ITGAM: variants seen among roughly 807,000 people sequenced by gnomAD.
The protein encoded by ITGAM is integrin subunit alpha M.
Under a neutral mutation model 137.5 loss-of-function variants are expected in ITGAM, and 79 were observed. The observed-to-expected ratio is 0.57, with a 90% CI of 0.48 to 0.69. ITGAM has a LOEUF of 0.69. Among genes scored for constraint, ITGAM ranks in the 30% least tolerant of loss-of-function variants. ITGAM has a pLI of 0.00. For missense variants in ITGAM, 1,343 were observed against 1,483.5 expected (o/e 0.91, Z 1.56); for synonymous variants, 583 against 592.3 (o/e 0.98, Z 0.23).
At chr16:31,282,070 T>G (rs2079975659) in intron 12 of ITGAM, among the ~76,000 whole-genome samples, 1 of 152,246 alleles carries the variant, frequency 6.6e-6, no homozygotes. Flanking sequence ...TTGATTGCAC[T>G]GTGGTCCGAG....
At chr16:31,319,756 CT>C (rs1293210522) in intron 14 of ITGAM, among the ~76,000 whole-genome samples, 1 of 151,054 alleles carries the variant, frequency 6.6e-6, no homozygotes, top group Non-Finnish European at 1.5e-5. Context: ...TGCTGTCTTC[CT>C]TTGTGTTTTA....
chr16:31,280,545 T>A (rs563846123), intron 12 of ITGAM, among the ~76,000 whole-genome samples: 10 of 152,220 alleles, frequency 6.6e-5, no homozygotes, highest in Non-Finnish European at 1.5e-4. Flanking sequence ...GTTTGTCTGT[T>A]ATTGGTGTAT....
chr16:31,263,502 C>T (rs2079728459), intron 2 of ITGAM, among the ~76,000 whole-genome samples: 1 of 152,160 alleles, frequency 6.6e-6, no homozygotes, highest in African/African-American at 2.4e-5. Flanking sequence ...CTCATACTCC[C>T]TCACTCATTT....
intron 14 of ITGAM, among the ~76,000 whole-genome samples, chr16:31,308,111 T>C (rs2080284240): frequency 6.6e-6 from 1 of 152,148 alleles, no homozygotes; most frequent in East Asian, 1.9e-4. Context: ...AAAATTCTCT[T>C]TTTTTGTTGT....
intron 2 of ITGAM, among the ~76,000 whole-genome samples, chr16:31,262,379 C>A (rs2079714080): frequency 7.0e-6 from 1 of 143,548 alleles, no homozygotes; most frequent in African/African-American, 2.6e-5. Context: ...TTCCTTCCTT[C>A]CTTCCTTCCT....
Position 31,324,985 on chromosome 16 carries a change from GACA to G in ITGAM, c.2321_2323del (p.Asn774del), listed in dbSNP as rs2080491455. The G allele has an allele frequency of 1.2e-6, 2 of 1,612,812 alleles. No homozygotes were observed. Among genetic ancestry groups the G allele is most frequent in the Non-Finnish European group, 1.7e-6 (2 of 1,179,460 alleles). On this transcript the variant is annotated inframe_deletion, in exon 19 of 30. Transcript: ENST00000544665. The surrounding 1 kb of genome is among the most constrained non-coding windows in gnomAD (Gnocchi z 4.5). ...TCCCTTTGAGAAGAATTGTGGCAAT[GACA>G]ACATCTGCCAGGATGACCTCAGCAT...
At chr16:31,269,652 G>A (rs1055726082) in intron 5 of ITGAM, among the ~76,000 whole-genome samples, 5 of 152,170 alleles carry the variant, frequency 3.3e-5, no homozygotes, top group African/African-American at 9.7e-5. Flanking sequence ...AGCTGTGACA[G>A]GCCTAAGGGA....
At chr16:31,260,403 C>A (rs993189387) in intron 1 of ITGAM, among the ~76,000 whole-genome samples, 2 of 152,132 alleles carry the variant, frequency 1.3e-5, no homozygotes, top group Admixed American at 1.3e-4. Context: ...AGGTGTGAGA[C>A]CCCTTTCCTG....
At chr16:31,261,662 T>C in intron 1 of ITGAM, 30 bp from the exon 2 acceptor site, 1 of 1,470,624 alleles carries the variant, frequency 6.8e-7, no homozygotes, top group Non-Finnish European at 9.4e-7. Context: ...TACTTTCCTC[T>C]GCTTGATCCT....
intron 14 of ITGAM, among the ~76,000 whole-genome samples, chr16:31,308,790 G>A: frequency 6.6e-6 from 1 of 152,092 alleles, no homozygotes; most frequent in African/African-American, 2.4e-5. Flanking sequence ...TGGGCATTTA[G>A]TGCTATAAAT....
chr16:31,312,541 C>G (rs1055186529), intron 14 of ITGAM, among the ~76,000 whole-genome samples: 1 of 152,148 alleles, frequency 6.6e-6, no homozygotes, highest in Non-Finnish European at 1.5e-5. Context: ...ATCCGCCTGC[C>G]TCAGCCTCCT....
chr16:31,304,469 A>T (rs1236055224), intron 14 of ITGAM, among the ~76,000 whole-genome samples: 3 of 152,052 alleles, frequency 2.0e-5, no homozygotes, highest in Admixed American at 6.5e-5. Flanking sequence ...TTTTAGTTTA[A>T]TTAGGTCCCA....
chr16:31,311,024 G>A (rs1016090223), intron 14 of ITGAM, among the ~76,000 whole-genome samples: 9 of 152,170 alleles, frequency 5.9e-5, no homozygotes, highest in Non-Finnish European at 1.3e-4. Context: ...ACAAAAAGAA[G>A]AAATGGGGAA....
Position 31,324,755 on chromosome 16 carries a change from G to A in ITGAM, c.2262G>A (p.Glu754=). 1 of 1,578,048 alleles carries A rather than the reference G, an allele frequency of 6.3e-7. No homozygotes were observed. ...GGAACCTCCGGCCAGTGCTGGCGGA[G>A]GATGCTCAGAGACTCTTCACAGCCT... ...AFGNLRPVLA[E]DAQRLFTALF... The change falls in exon 18 of 30, where the codon GAG becomes GAA. Residue 754 remains glutamate (E), a synonymous_variant. Coordinates refer to ENST00000544665, the MANE Select transcript of ITGAM (RefSeq NM_000632.4). This position sits in a 1 kb window ranked among gnomAD's most constrained non-coding sequence, Gnocchi z 4.5.
At chr16:31,312,243 A>G (rs1273647932) in intron 14 of ITGAM, among the ~76,000 whole-genome samples, 1 of 151,890 alleles carries the variant, frequency 6.6e-6, no homozygotes, top group Non-Finnish European at 1.5e-5. Flanking sequence ...TATGTAACAA[A>G]CCTGCACGTT....
intron 8 of ITGAM, chr16:31,273,743 A>G (rs1167016529): frequency 2.3e-6 from 1 of 431,224 alleles, no homozygotes; most frequent in African/African-American, 2.0e-5. Context: ...GCCTGCCAAG[A>G]GTTCTGGTCT....
intron 5 of ITGAM, among the ~76,000 whole-genome samples, chr16:31,266,891 A>G (rs1302790856): frequency 6.9e-6 from 1 of 144,586 alleles, no homozygotes; most frequent in Non-Finnish European, 1.5e-5. Flanking sequence ...TTTTTGAGGC[A>G]GAGTCTCGCT....
At chr16:31,330,480 G>T in intron 27 of ITGAM, 24 bp from the exon 28 acceptor site, 1 of 1,613,032 alleles carries the variant, frequency 6.2e-7, no homozygotes, top group Non-Finnish European at 8.5e-7. Flanking sequence ...CCCAGGTGCA[G>T]TGCCCACCCG....
Position 31,316,150 on chromosome 16 carries a change from C to T in ITGAM, c.1708-5091C>T, listed in dbSNP as rs1184281807. Among the ~76,000 whole-genome samples the T allele has an allele frequency of 5.1e-4, 5 of 9,794 alleles. 2 individuals carry two copies. In the African/African-American group the frequency reaches 5.6e-3, roughly 11 times the overall value. 6.4% of individuals were successfully genotyped at this position (9,794 alleles called of 152,430 possible). On this transcript the variant is annotated intron_variant, in intron 14 of 29. Transcript: ENST00000544665. ...CAGAGCTTGCAGTGAGTCGAGATTG[C>T]GCCACTGCAGTCCGCAGTCCGGCCT...
Sources: allele counts gnomAD v4.1 joint callset (sites outside exome capture counted in the v4.1 genomes callset), GRCh38; gene constraint gnomAD v4.1.1; non-coding constraint Gnocchi (gnomAD v3.1); transcripts MANE v1.5; gene names NCBI Gene and HGNC (gene_info 2026-07-23, HGNC 2026-07-21).